The following GFI1B variants were observed in gnomAD, a reference collection of about 807,000 sequenced individuals.
The protein encoded by GFI1B is zinc finger protein Gfi-1b.
A neutral mutation model predicts 35.3 loss-of-function variants in GFI1B; 20 were observed. The observed-to-expected ratio is 0.57, with a 90% CI of 0.40 to 0.82. GFI1B has a LOEUF of 0.82. Ranked by LOEUF, GFI1B falls within the 40% of genes least tolerant of loss-of-function variation. The probability of loss-of-function intolerance (pLI) is 0.00; values close to 1 mark genes in which losing one functional copy is unlikely to be tolerated. For synonymous variants in GFI1B, 178 were observed against 177.6 expected (o/e 1.00, Z -0.02); for missense variants, 430 against 446.3 (o/e 0.96, Z 0.33).
At chr9:132,959,211 G>A (rs1247271251) in intron 1 of GFI1B, among the ~76,000 whole-genome samples, 1 of 152,120 alleles carries the variant, frequency 6.6e-6, no homozygotes, top group Non-Finnish European at 1.5e-5. Context: ...ATTGAGTCAT[G>A]GGGGTGGTTC....
At chr9:132,955,808 A>ATGTG (rs3049917) in intron 1 of GFI1B, among the ~76,000 whole-genome samples, 1,571 of 146,424 alleles carry the variant, frequency 0.011, 21 homozygotes, top group East Asian at 0.022. Flanking sequence ...GTGTGTGTGC[A>ATGTG]TGTGTGTGTG....
At chr9:132,975,017 C>T (rs1315054337), upstream of GFI1B, 1 of 152,224 alleles carries the variant, frequency 6.6e-6, no homozygotes, top group Admixed American at 6.5e-5. Context: ...GTAATCCCAG[C>T]TACTCAGGAG....
chr9:132,989,668 T>C lies in GFI1B; in HGVS notation c.649-74T>C. 1 of 1,281,030 alleles carries C rather than the reference T, an allele frequency of 7.8e-7. No homozygotes were observed. The highest frequency in any genetic ancestry group is 1.8e-5 in the Admixed American group (1 of 54,466). The allele number at this position is 1,281,030 out of a possible 1,614,324, so 79.4% of individuals were successfully genotyped here. ...CAGGCCGCCCCAATGGAGTGTCCTG[T>C]TCCGCAGGGGATCCCGGCCGGGTCC... On this transcript the variant is annotated intron_variant, in intron 5 of 6. Transcript: ENST00000372122. This position sits in a 1 kb window ranked among gnomAD's most constrained non-coding sequence, Gnocchi z 6.2.
At chr9:132,993,099 G>T (rs527423025), downstream of GFI1B, among the ~76,000 whole-genome samples, 1 of 152,288 alleles carries the variant, frequency 6.6e-6, no homozygotes, top group East Asian at 1.9e-4. Context: ...TTCGAGACCA[G>T]CCTGGCCAAC....
In GFI1B at chr9:132,968,071, A is replaced by C. The variant is rs533227478; in HGVS notation, c.-700-4654A>C. Reference sequence around the variant, plus strand: ...TACTGGGATTACAGGTGTGAGCCACAGTGCCCAGCCATTCTTTTATTTATT... The same window carrying C: ...TACTGGGATTACAGGTGTGAGCCACCGTGCCCAGCCATTCTTTTATTTATT... On this transcript the variant is annotated intron_variant, in intron 1 of 10. Transcript: ENST00000339463. Among the ~76,000 whole-genome samples, 267 of 148,894 alleles carry C rather than the reference A, an allele frequency of 1.8e-3. 3 individuals carry two copies. Among genetic ancestry groups the C allele is most frequent in the African/African-American group, 5.6e-3 (225 of 40,252 alleles).
intron 1 of GFI1B, among the ~76,000 whole-genome samples, chr9:132,954,729 T>C (rs1347570814): frequency 6.6e-6 from 1 of 151,938 alleles, no homozygotes; most frequent in Non-Finnish European, 1.5e-5. Context: ...GCCAATTTTT[T>C]TTTTTTTGAG....
intron 1 of GFI1B, chr9:132,946,571 C>T (rs1417231611): frequency 6.6e-6 from 1 of 152,188 alleles, no homozygotes; most frequent in African/African-American, 2.4e-5. Flanking sequence ...TCTCTCAGTT[C>T]CACCAATCTG....
chr9:132,969,123 G>A (rs1374727174), intron 1 of GFI1B, among the ~76,000 whole-genome samples: 1 of 152,120 alleles, frequency 6.6e-6, no homozygotes. Context: ...CTGCCTCCCG[G>A]GTTCAAGCGC....
At chr9:132,961,217 G>T (rs985780220) in intron 1 of GFI1B, among the ~76,000 whole-genome samples, 1 of 152,072 alleles carries the variant, frequency 6.6e-6, no homozygotes, top group South Asian at 2.1e-4. Context: ...ATAGAAGACC[G>T]ATAAGTTAGG....
Position 132,989,930 on chromosome 9 carries a change from T to C in GFI1B, c.814+23T>C. On this transcript the variant is annotated intron_variant, in intron 6 of 6. Transcript: ENST00000372122. The surrounding 1 kb of genome is among the most constrained non-coding windows in gnomAD (Gnocchi z 6.2). ...CAGGTGAGTGAGTCTCACCTGCCTG[T>C]GCCCCCTGGGCAGAGCACCCCCACC... is the stretch of plus-strand genomic sequence containing the variant. 2 of 1,608,512 alleles carry C rather than the reference T, an allele frequency of 1.2e-6. No homozygotes were observed. Among genetic ancestry groups the C allele is most frequent in the Non-Finnish European group, 1.7e-6 (2 of 1,175,466 alleles).
At chr9:132,986,418 C>A (rs1406967850) in intron 1 of GFI1B, among the ~76,000 whole-genome samples, 2 of 152,070 alleles carry the variant, frequency 1.3e-5, no homozygotes, top group Admixed American at 6.6e-5. Context: ...TATAAGGACA[C>A]GAGTCATCTT....
chr9:132,987,178 G>C, intron 2 of GFI1B, 104 bp from the exon 3 acceptor site: 1 of 1,264,550 alleles, frequency 7.9e-7, no homozygotes, highest in Non-Finnish European at 1.1e-6. Flanking sequence ...GCACGTGGCT[G>C]TCTCTCTGGG....
chr9:132,958,485 C>T (rs567210974), intron 1 of GFI1B, among the ~76,000 whole-genome samples: 224 of 152,186 alleles, frequency 1.5e-3, no homozygotes, highest in African/African-American at 5.1e-3. Context: ...AAAGAGACAG[C>T]GAGGAGGTGC....
intron 1 of GFI1B, among the ~76,000 whole-genome samples, chr9:132,960,319 G>A (rs1247576746): frequency 6.6e-6 from 1 of 152,202 alleles, no homozygotes; most frequent in Admixed American, 6.5e-5. Flanking sequence ...ATGGTCAGGT[G>A]TAGGGAATAG....
chr9:132,946,211 T>C (rs898865652), intron 1 of GFI1B, among the ~76,000 whole-genome samples: 1 of 152,086 alleles, frequency 6.6e-6, no homozygotes, highest in African/African-American at 2.4e-5. Flanking sequence ...ACACAGTCGC[T>C]GGGGGGAAGC....
In GFI1B at chr9:132,988,165, G is replaced by A. The variant is rs199699104; in HGVS notation, c.239-32G>A. The A allele has an allele frequency of 7.5e-5, 120 of 1,609,890 alleles. 1 individual carries two copies. The highest frequency in any genetic ancestry group is 1.0e-4 in the Non-Finnish European group (118 of 1,176,408). On this transcript the variant is annotated intron_variant, in intron 3 of 6. Transcript: ENST00000372122. ...TGTGCCCAACCCCCTGTGTTTAAAT[G>A]AGTAACCAGGCCTGTGTCGTTATCT...
intron 1 of GFI1B, among the ~76,000 whole-genome samples, chr9:132,955,659 T>C (rs1330297291): frequency 5.9e-5 from 9 of 152,198 alleles, no homozygotes. Flanking sequence ...GAGAAATTTA[T>C]GGTAATTCTT....
intron 1 of GFI1B, among the ~76,000 whole-genome samples, chr9:132,969,476 A>G (rs556080622): frequency 3.9e-5 from 6 of 152,274 alleles, no homozygotes; most frequent in African/African-American, 1.4e-4. Flanking sequence ...TTCCTTTCTA[A>G]GGCTGAATAA....
At chr9:132,968,087 T>TTTATTTAC (rs1211086399) in intron 1 of GFI1B, among the ~76,000 whole-genome samples, 2 of 12,966 alleles carry the variant, frequency 1.5e-4, no homozygotes, top group Non-Finnish European at 2.6e-4. Context: ...CAGCCATTCT[T>TTTATTTAC]TTATTTATTT....
Sources: allele counts gnomAD v4.1 joint callset (sites outside exome capture counted in the v4.1 genomes callset), GRCh38; gene constraint gnomAD v4.1.1; non-coding constraint Gnocchi (gnomAD v3.1); transcripts MANE v1.5; gene names NCBI Gene and HGNC (gene_info 2026-07-23, HGNC 2026-07-21).